SASH1: variants seen among roughly 807,000 people sequenced by gnomAD.
SASH1 encodes the protein SAM and SH3 domain containing 1, also known as SAM and SH3 domain-containing protein 1.
A neutral mutation model predicts 125.2 loss-of-function variants in SASH1; 44 were observed. The ratio of observed to expected loss-of-function variants is 0.35; its 90% CI spans 0.28 to 0.45. The LOEUF (loss-of-function observed/expected upper bound fraction) is 0.45. SASH1 is among the 20% of genes least tolerant of loss of function. The pLI, the probability that SASH1 is intolerant of heterozygous loss-of-function variation, is 1.00. For synonymous variants in SASH1, 639 were observed against 649.1 expected (o/e 0.98, Z 0.24); for missense variants, 1,426 against 1,614.5 (o/e 0.88, Z 2.00).
At chr6:148,261,906 A>G in the SASH1 span, among the ~76,000 whole-genome samples, 1 of 152,186 alleles carries the variant, frequency 6.6e-6, no homozygotes, top group African/African-American at 2.4e-5. Flanking sequence ...ATGGAAAAGG[A>G]CATCCATTTG....
At position 148,550,912 on chromosome 6, in the gene SASH1, C is replaced by G. The variant is rs2115482828; in HGVS notation, c.*2354C>G. 1 of 152,574 alleles carries G rather than the reference C, an allele frequency of 6.6e-6. No individual in the cohort carries two copies. Among genetic ancestry groups the G allele is most frequent in the Admixed American group, 6.5e-5 (1 of 15,298 alleles). 9.5% of individuals were successfully genotyped at this position (152,574 alleles called of 1,614,324 possible). On this transcript the variant is annotated 3_prime_UTR_variant, in exon 20 of 20. Transcript: ENST00000367467. ...GTGAATTTCCAAGTTTTAATTCGTT[C>G]TCCATGAAGGATTTTCATTTCAGTG...
Position 148,519,923 on chromosome 6 carries a change from C to A in SASH1, c.1209+30C>A. ...GTACGGATGGTGTTTGCTTCTATGA[C>A]AACCACCGTCGCAGGCACCACCTTC... On this transcript the variant is annotated intron_variant, in intron 10 of 19. Transcript: ENST00000367467. The surrounding 1 kb of genome is among the most constrained non-coding windows in gnomAD (Gnocchi z 4.8). The A allele has an allele frequency of 6.8e-7, 1 of 1,469,056 alleles. No homozygotes were observed. The highest frequency in any genetic ancestry group is 1.4e-5 in the African/African-American group (1 of 71,156). The allele number at this position is 1,469,056 out of a possible 1,614,324, so 91.0% of individuals were successfully genotyped here. A position where few individuals can be genotyped will look rare whatever the true frequency, so the allele number is the denominator to read the frequency against.
chr6:148,197,834 C>G, the SASH1 span, among the ~76,000 whole-genome samples: 2 of 152,058 alleles, frequency 1.3e-5, no homozygotes, highest in African/African-American at 2.4e-5. Flanking sequence ...TGAGTTCTCA[C>G]AAGATCTGGT....
intron 1 of SASH1, among the ~76,000 whole-genome samples, chr6:148,315,205 T>A (rs1780449055): frequency 6.6e-6 from 1 of 152,272 alleles, no homozygotes; most frequent in South Asian, 2.1e-4. Context: ...GCTCCCTTTA[T>A]GCCAGATAGA....
At chr6:148,449,615 G>A (rs1032167718) in intron 4 of SASH1, among the ~76,000 whole-genome samples, 3 of 152,056 alleles carry the variant, frequency 2.0e-5, no homozygotes, top group South Asian at 4.1e-4. Flanking sequence ...TCGAACTCCC[G>A]ACCTCAGGTG....
chr6:148,451,524 A>T lies in SASH1; in HGVS notation c.386+11117A>T, dbSNP rs573778228. ...TCTAAAATAGAAACAACTGCTGAGC[A>T]CGGTGAGATGCGCCTGTAGTCCTAG... On this transcript the variant is annotated intron_variant, in intron 4 of 19. Coordinates refer to ENST00000367467, the MANE Select transcript of SASH1 (RefSeq NM_015278.5). Among the ~76,000 whole-genome samples, 8 of 152,278 alleles carry T rather than the reference A, an allele frequency of 5.3e-5. No homozygotes were observed. In the East Asian group the frequency reaches 1.4e-3, roughly 26 times the overall value.
chr6:148,471,877 C>T (rs749194994), intron 6 of SASH1, among the ~76,000 whole-genome samples: 23 of 152,140 alleles, frequency 1.5e-4, no homozygotes, highest in Admixed American at 3.9e-4. Context: ...CTCCTGTCCG[C>T]GTTCCCACTG....
At chr6:148,460,520 CGGAGAGTTAATGTTTT>C (rs1161760510) in intron 4 of SASH1, among the ~76,000 whole-genome samples, 6 of 152,254 alleles carry the variant, frequency 3.9e-5, no homozygotes, top group African/African-American at 1.4e-4. Context: ...CCATTTCTTT[CGGAGAGTTAATGTTTT>C]GGAGAGTTAA....
chr6:148,387,045 T>G (rs1179365138), intron 1 of SASH1, among the ~76,000 whole-genome samples: 1 of 151,556 alleles, frequency 6.6e-6, no homozygotes, highest in Non-Finnish European at 1.5e-5. Flanking sequence ...CTTTCTTGCT[T>G]TCTCCCTCTC....
At chr6:148,274,645 T>G (rs2128503480) in intron 1 of SASH1, among the ~76,000 whole-genome samples, 1 of 152,348 alleles carries the variant, frequency 6.6e-6, no homozygotes, top group Middle Eastern at 3.4e-3. Flanking sequence ...TGAATGAGCC[T>G]TGAAATCTAT....
chr6:148,370,130 G>T (rs1422173912), intron 1 of SASH1, among the ~76,000 whole-genome samples: 1 of 152,140 alleles, frequency 6.6e-6, no homozygotes, highest in Non-Finnish European at 1.5e-5. Context: ...AGGATAGAAG[G>T]ATAGATCAAG....
intron 8 of SASH1, chr6:148,513,170 G>A (rs1490548314): frequency 3.0e-6 from 3 of 985,212 alleles, no homozygotes; most frequent in Non-Finnish European, 2.4e-6. Context: ...CTTTTCTTTG[G>A]GAGAAAAGTC....
the SASH1 span, among the ~76,000 whole-genome samples, chr6:148,217,286 C>A: frequency 1.3e-5 from 2 of 152,186 alleles, no homozygotes; most frequent in Non-Finnish European, 2.9e-5. Flanking sequence ...TTGTCCTTAA[C>A]ACAGTGACAA....
intron 1 of SASH1, among the ~76,000 whole-genome samples, chr6:148,313,043 C>G (rs558713712): frequency 2.6e-5 from 4 of 152,134 alleles, no homozygotes; most frequent in Non-Finnish European, 2.9e-5. Flanking sequence ...ACACCCCTTC[C>G]CAACAAAAAA....
intron 4 of SASH1, among the ~76,000 whole-genome samples, chr6:148,440,864 G>A (rs1462487428): frequency 6.6e-6 from 1 of 152,146 alleles, no homozygotes; most frequent in Non-Finnish European, 1.5e-5. Context: ...GTGAATGTGT[G>A]TGTTAAAAAA....
At chr6:148,514,709 T>C (rs1213812694) in intron 9 of SASH1, among the ~76,000 whole-genome samples, 1 of 134,638 alleles carries the variant, frequency 7.4e-6, no homozygotes, top group Non-Finnish European at 1.7e-5. Flanking sequence ...AGATGGGAAA[T>C]GGAAATTTTC....
intron 2 of SASH1, among the ~76,000 whole-genome samples, chr6:148,437,288 A>G (rs1446666421): frequency 6.6e-6 from 1 of 152,196 alleles, no homozygotes; most frequent in Non-Finnish European, 1.5e-5. Flanking sequence ...CAATATTTTT[A>G]CTTTAGAATG....
chr6:148,490,587 T>C (rs928002270), intron 8 of SASH1, among the ~76,000 whole-genome samples: 45 of 152,344 alleles, frequency 3.0e-4, no homozygotes, highest in Middle Eastern at 3.4e-3. Context: ...ACGTATTATA[T>C]AGTTGTGTTT....
chr6:148,230,601 C>T, the SASH1 span, among the ~76,000 whole-genome samples: 3 of 152,148 alleles, frequency 2.0e-5, no homozygotes, highest in Non-Finnish European at 4.4e-5. Context: ...TGCACCCTTG[C>T]GGCACCCTTT....
Sources: gnomAD v4.1 joint callset for allele counts (sites outside exome capture counted in the v4.1 genomes callset) on GRCh38, gnomAD v4.1.1 for gene constraint, Gnocchi (gnomAD v3.1) non-coding constraint, MANE v1.5 for transcripts, NCBI Gene and HGNC (gene_info 2026-07-23, HGNC 2026-07-21) for gene names.